SERPINB13: variants seen among roughly 807,000 people sequenced by gnomAD.
The protein encoded by SERPINB13 is serpin family B member 13.
SERPINB13 carries 26 observed loss-of-function variants against 31.2 expected under a neutral mutation model. The observed-to-expected ratio is 0.83, with a 90% CI of 0.61 to 1.15. The LOEUF is 1.15. Among genes scored for constraint, SERPINB13 ranks in the 50% most tolerant of loss-of-function variants. The pLI is 0.00. For synonymous variants in SERPINB13, 191 were observed against 172.4 expected (o/e 1.11, Z -0.85); for missense variants, 510 against 469.4 (o/e 1.09, Z -0.80).
In SERPINB13 at chr18:63,597,281, A is replaced by G. The variant is rs946442284; in HGVS notation, c.1094A>G (p.His365Arg). ...TCCGCCCCAGGTCATGAAAATGTTC[A>G]CTGCAATCATCCCTTCCTGTTCTTC... is the stretch of plus-strand genomic sequence containing the variant. Reference protein sequence around the residue: ...VTSAPGHENVHCNHPFLFFIR... With the variant: ...VTSAPGHENVRCNHPFLFFIR... Residue 365 changes from histidine to arginine, a missense_variant, in exon 8 of 8, where the codon CAC (histidine) becomes CGC (arginine). Physicochemically the swap from His to Arg is conservative, Grantham distance 29 (BLOSUM62 0). Transcript: ENST00000344731. The G allele has an allele frequency of 5.6e-6, 9 of 1,614,078 alleles. No homozygotes were observed. Among genetic ancestry groups the G allele is most frequent in the African/African-American group, 1.3e-5 (1 of 74,932 alleles).
intron 4 of SERPINB13, 59 bp from the exon 5 acceptor site, chr18:63,592,795 T>C (rs1361349784): frequency 3.7e-6 from 4 of 1,077,560 alleles, no homozygotes; most frequent in Admixed American, 4.2e-5. Context: ...TTAGAGATGT[T>C]GGCAATTGAT....
At chr18:63,595,527 A>G (rs934472315) in intron 7 of SERPINB13, among the ~76,000 whole-genome samples, 2 of 152,206 alleles carry the variant, frequency 1.3e-5, no homozygotes, top group African/African-American at 2.4e-5. Flanking sequence ...CACACTGTTC[A>G]ATAGGCTTTT....
chr18:63,597,577 A>G lies in SERPINB13; in HGVS notation c.*214A>G. 1.9e-6 allele frequency: 1 copy of G among 533,702 alleles called. No individual in the cohort carries two copies. Among genetic ancestry groups the G allele is most frequent in the Non-Finnish European group, 3.3e-6 (1 of 305,656 alleles). 33.1% of individuals were successfully genotyped at this position (533,702 alleles called of 1,614,324 possible). On this transcript the variant is annotated 3_prime_UTR_variant, in exon 8 of 8. Transcript: ENST00000344731. The stretch of plus-strand genomic sequence containing the variant: ...TTTTCTTTGTGCCATGCGTAAGGTG[A>G]GTCAAACCAAACCTCATTGATAATC...
chr18:63,588,386 G>A (rs1447705849), intron 1 of SERPINB13, among the ~76,000 whole-genome samples: 1 of 152,154 alleles, frequency 6.6e-6, no homozygotes, highest in African/African-American at 2.4e-5. Context: ...AGAGAATAAA[G>A]CCATTAAAAC....
rs780015421 is a variant in SERPINB13 at position 63,594,469 on chromosome 18, C to G, written c.587C>G (p.Thr196Ser). Residue 196 changes from threonine to serine, a missense_variant, in exon 6 of 8, where the codon ACT becomes AGT. Physicochemically the swap from Thr to Ser is moderately conservative, Grantham distance 58. Coordinates refer to ENST00000344731, the MANE Select transcript of SERPINB13 (RefSeq NM_012397.4). ...GACAGGGAGTTTAAGAAAGAAAATA[C>G]TAAGGAAGAGAAATTTTGGATGAAT... ...QWDREFKKEN[T>S]KEEKFWMNKS... 91 of 1,613,840 alleles carry G rather than the reference C, an allele frequency of 5.6e-5. No individual in the cohort carries two copies. The East Asian group carries it at 2.0e-3, about 35-fold the overall frequency.
chr18:63,595,848 G>A (rs1912134213), intron 7 of SERPINB13, among the ~76,000 whole-genome samples: 5 of 151,840 alleles, frequency 3.3e-5, no homozygotes, highest in Admixed American at 6.6e-5. Context: ...GCAGTGAGCC[G>A]AGATAGCGCC....
At chr18:63,589,211 G>A (rs1011622962) in intron 2 of SERPINB13, among the ~76,000 whole-genome samples, 4 of 152,110 alleles carry the variant, frequency 2.6e-5, no homozygotes. Context: ...AGTAAAGAAG[G>A]GGATTCACCA....
intron 5 of SERPINB13, among the ~76,000 whole-genome samples, chr18:63,593,793 T>A (rs1199313315): frequency 6.6e-6 from 1 of 152,188 alleles, no homozygotes; most frequent in Non-Finnish European, 1.5e-5. Flanking sequence ...TTGAACAGTA[T>A]TTTTTAGAAT....
At position 63,588,728 on chromosome 18, in the gene SERPINB13, A is replaced by G. The variant is rs745659000; in HGVS notation, c.61A>G (p.Lys21Glu). The G allele has an allele frequency of 4.3e-6, 7 of 1,614,076 alleles. No homozygotes were observed. The highest frequency in any genetic ancestry group is 5.9e-6 in the Non-Finnish European group (7 of 1,180,042). The part of the protein sequence containing the change: ...LGFDLFKELK[K>E]TNDGNIFFSP... ...GTTTGATCTTTTCAAAGAGCTGAAG[A>G]AAACAAATGATGGCAACATCTTCTT... Residue 21 changes from lysine (K) to glutamate (E), a missense_variant, in exon 2 of 8, where the codon AAA (lysine) becomes GAA (glutamate). Transcript: ENST00000344731.
At chr18:63,588,531 A>G (rs756482788) in intron 1 of SERPINB13, 120 bp from the exon 2 acceptor site, 66 of 1,035,528 alleles carry the variant, frequency 6.4e-5, no homozygotes, top group Non-Finnish European at 7.9e-5. Context: ...ACCTTTCACC[A>G]AAAGGGTGGA....
At position 63,593,482 on chromosome 18, in the gene SERPINB13, T is replaced by C. The variant is rs1323237081; in HGVS notation, c.472+511T>C. On this transcript the variant is annotated intron_variant, in intron 5 of 7. Coordinates refer to ENST00000344731, the MANE Select transcript of SERPINB13 (RefSeq NM_012397.4). Reference sequence around the variant, plus strand: ...GGGGCCACCTAGTCTTCATCTTCACTTAAGCATAGTGCAGGGGTAACGACA... The same window carrying C: ...GGGGCCACCTAGTCTTCATCTTCACCTAAGCATAGTGCAGGGGTAACGACA... Among the ~76,000 whole-genome samples the C allele has an allele frequency of 3.3e-5, 5 of 152,296 alleles. No homozygotes were observed. The South Asian group carries it at 6.2e-4, about 19-fold the overall frequency.
intron 5 of SERPINB13, among the ~76,000 whole-genome samples, chr18:63,593,504 G>T (rs1418541373): frequency 6.6e-6 from 1 of 152,098 alleles, no homozygotes; most frequent in Non-Finnish European, 1.5e-5. Flanking sequence ...CAGGGGTAAC[G>T]ACAACCTACA....
At chr18:63,596,879 G>C in intron 7 of SERPINB13, 80 bp from the exon 8 acceptor site, 1 of 1,168,204 alleles carries the variant, frequency 8.6e-7, no homozygotes, top group Non-Finnish European at 1.2e-6. Context: ...AATAACTTCT[G>C]ACTGACACAA....
chr18:63,597,568 CGTAAG>C lies in SERPINB13; in HGVS notation c.*208_*212del, dbSNP rs1246573242. 4 of 566,456 alleles carry C rather than the reference CGTAAG, an allele frequency of 7.1e-6. No homozygotes were observed. The highest frequency in any genetic ancestry group is 9.1e-6 in the Non-Finnish European group (3 of 330,562). The allele number at this position is 566,456 out of a possible 1,614,324, so 35.1% of individuals were successfully genotyped here. On this transcript the variant is annotated 3_prime_UTR_variant, in exon 8 of 8. Transcript: ENST00000344731. ...GAAATGTCCTTTTCTTTGTGCCATGCGTAAGGTGAGTCAAACCAAACCTCATTGAT... is the reference window on the plus strand; with the variant it reads ...GAAATGTCCTTTTCTTTGTGCCATGCGTGAGTCAAACCAAACCTCATTGAT...
chr18:63,596,854 AAT>A (rs1912197712), intron 7 of SERPINB13, 103 bp from the exon 8 acceptor site: 2 of 919,246 alleles, frequency 2.2e-6, no homozygotes, highest in African/African-American at 1.7e-5. Context: ...TTCTACTTTT[AAT>A]ATTACTAAAA....
chr18:63,591,300 GA>G (rs1911835878), intron 3 of SERPINB13, among the ~76,000 whole-genome samples: 1 of 152,090 alleles, frequency 6.6e-6, no homozygotes, highest in Non-Finnish European at 1.5e-5. Flanking sequence ...ATTTTAAGGG[GA>G]TACTTATAGC....
In SERPINB13 at chr18:63,589,698, G is replaced by T. The variant is rs996454159; in HGVS notation, c.208G>T (p.Ala70Ser). 3 of 1,613,330 alleles carry T rather than the reference G, an allele frequency of 1.9e-6. No individual in the cohort carries two copies. The highest frequency in any genetic ancestry group is 2.5e-6 in the Non-Finnish European group (3 of 1,179,330). ...EKETKSSRIKAEEKEVIENTE... is the reference protein window; with the variant it reads ...EKETKSSRIKSEEKEVIENTE... ...AGAGACGAAGAGCTCAAGAATAAAGGCTGAAGAAAAAGAGGTGGTAAGAAT... is the reference window on the plus strand; with the variant it reads ...AGAGACGAAGAGCTCAAGAATAAAGTCTGAAGAAAAAGAGGTGGTAAGAAT... The change falls in exon 3 of 8, where the codon GCT becomes TCT. Residue 70 changes from alanine to serine, a missense_variant. Coordinates refer to ENST00000344731, the MANE Select transcript of SERPINB13 (RefSeq NM_012397.4).
intron 3 of SERPINB13, among the ~76,000 whole-genome samples, chr18:63,591,804 A>G (rs187450259): frequency 1.5e-3 from 228 of 152,242 alleles, no homozygotes; most frequent in African/African-American, 5.1e-3. Flanking sequence ...ATAGAATATG[A>G]AAACTTCAAT....
intron 1 of SERPINB13, 75 bp from the exon 2 acceptor site, chr18:63,588,576 A>C: frequency 6.9e-7 from 1 of 1,440,648 alleles, no homozygotes; most frequent in Admixed American, 1.8e-5. Context: ...AAGAAGAGGA[A>C]TAGAAGCAGA....
Sources: gnomAD v4.1 joint callset for allele counts (sites outside exome capture counted in the v4.1 genomes callset) on GRCh38, gnomAD v4.1.1 for gene constraint, MANE v1.5 for transcripts, NCBI Gene and HGNC (gene_info 2026-07-23, HGNC 2026-07-21) for gene names.